Variants in RGS6 observed in about 807,000 individuals in gnomAD.
RGS6 encodes regulator of G-protein signaling 6.
In RGS6, 30 loss-of-function variants were observed where a neutral mutation model predicts 78.5. The ratio of observed to expected loss-of-function variants is 0.38; its 90% CI spans 0.29 to 0.52. RGS6 has a LOEUF of 0.52. Ranked by LOEUF, RGS6 falls within the 20% of genes least tolerant of loss-of-function variation. The pLI, the probability that RGS6 is intolerant of heterozygous loss-of-function variation, is 0.85. For missense variants in RGS6, 495 were observed against 609.7 expected, an observed-to-expected ratio of 0.81 and a Z score of 1.98; for synonymous variants, 206 against 206.0, an observed-to-expected ratio of 1.00 and a Z score of 0.00.
At chr14:72,070,989 ATCTCC>A (rs888239047) in intron 2 of RGS6, among the ~76,000 whole-genome samples, 3 of 151,822 alleles carry the variant, frequency 2.0e-5, no homozygotes, top group Non-Finnish European at 4.4e-5. Context: ...TATTTTATTC[ATCTCC>A]TCTCATGGTT....
rs2095690294 is a variant in RGS6 at position 72,458,466 on chromosome 14, A to G, written c.342+89A>G. On this transcript the variant is annotated intron_variant, in intron 5 of 17. Coordinates refer to ENST00000553525, the MANE Select transcript of RGS6 (RefSeq NM_001204424.2). Reference sequence around the variant, plus strand: ...AGAACTACAAAGAAAACCTAGGGATATCTGAGGGAGTAGCCCTCACTCCTC... The same window carrying G: ...AGAACTACAAAGAAAACCTAGGGATGTCTGAGGGAGTAGCCCTCACTCCTC... 3 of 1,012,396 alleles carry G rather than the reference A, an allele frequency of 3.0e-6. No homozygotes were observed. In the African/African-American group the frequency reaches 4.8e-5, roughly 16 times the overall value. The allele number at this position is 1,012,396 out of a possible 1,614,324, so 62.7% of individuals were successfully genotyped here. A position where few individuals can be genotyped will look rare whatever the true frequency, so the allele number is the denominator to read the frequency against.
At chr14:72,436,571 C>T (rs3784047) in intron 3 of RGS6, among the ~76,000 whole-genome samples, 49,477 of 152,006 alleles carry the variant, frequency 0.33, 8,750 homozygotes, top group East Asian at 0.64. Context: ...TCTTACTCCC[C>T]GGAGAATCAG....
intron 2 of RGS6, among the ~76,000 whole-genome samples, chr14:72,018,704 C>T (rs2087650190): frequency 6.6e-6 from 1 of 152,204 alleles, no homozygotes; most frequent in African/African-American, 2.4e-5. Context: ...AGCCCACAGA[C>T]TTTGCCTGTT....
intron 2 of RGS6, among the ~76,000 whole-genome samples, chr14:72,181,570 C>T (rs910294711): frequency 1.1e-4 from 16 of 152,316 alleles, no homozygotes; most frequent in African/African-American, 3.6e-4. Flanking sequence ...TGTGGCTTAA[C>T]AGGACTAAAC....
rs58303649 is a variant in RGS6, at chr14:72,323,800, CAAAAAAAAAAAAAAAAAAAAAAAAAAA to C, written c.85-28280_85-28254del. 8.9e-4 allele frequency among the ~76,000 whole-genome samples: 15 copies of C among 16,822 alleles called. No individual in the cohort carries two copies. In the East Asian group the frequency reaches 0.016, roughly 17 times the overall value. The allele number at this position is 16,822 out of a possible 152,430, so 11.0% of individuals were successfully genotyped here. ...TGGGTGACAGAGTGAGACTCCATCT[CAAAAAAAAAAAAAAAAAAAAAAAAAAA>C]AAAAAAAAAAAAAACTATTGTAAAA... is the stretch of plus-strand genomic sequence containing the variant. On this transcript the variant is annotated intron_variant, in intron 2 of 17. Transcript: ENST00000553525.
At chr14:72,317,806 C>T (rs2152495946) in intron 2 of RGS6, among the ~76,000 whole-genome samples, 1 of 152,018 alleles carries the variant, frequency 6.6e-6, no homozygotes, top group East Asian at 1.9e-4. Flanking sequence ...TCTAGAGGGA[C>T]AGAACTAATA....
At chr14:72,060,907 A>G (rs753472175) in intron 2 of RGS6, among the ~76,000 whole-genome samples, 3 of 152,166 alleles carry the variant, frequency 2.0e-5, no homozygotes, top group Admixed American at 1.3e-4. Context: ...GTTGCCATCT[A>G]TGTGTTCAAA....
intron 2 of RGS6, among the ~76,000 whole-genome samples, chr14:72,007,077 A>C (rs2084713262): frequency 6.6e-6 from 1 of 152,222 alleles, no homozygotes; most frequent in African/African-American, 2.4e-5. Context: ...GTAATGTAGA[A>C]AGTAGAAAAT....
At chr14:72,621,866 G>A in the RGS6 span, among the ~76,000 whole-genome samples, 3 of 152,196 alleles carry the variant, frequency 2.0e-5, no homozygotes, top group Non-Finnish European at 4.4e-5. Flanking sequence ...AGATGATACA[G>A]CCACCCAATG....
intron 3 of RGS6, among the ~76,000 whole-genome samples, chr14:72,380,374 G>T (rs2085751597): frequency 6.6e-6 from 1 of 151,664 alleles, no homozygotes; most frequent in Non-Finnish European, 1.5e-5. Flanking sequence ...AGAATGAGAA[G>T]ACATCTTACA....
chr14:71,929,753 CTTCAT>C (rs1006811802), upstream of RGS6, among the ~76,000 whole-genome samples: 19 of 152,212 alleles, frequency 1.2e-4, no homozygotes, highest in African/African-American at 4.3e-4. Flanking sequence ...ATCTTTTCTT[CTTCAT>C]TTATTAGTCG....
chr14:72,510,072 A>C lies in RGS6; in HGVS notation c.966-82A>C. The C allele has an allele frequency of 2.7e-6, 4 of 1,457,288 alleles. No individual in the cohort carries two copies. In the Middle Eastern group the frequency reaches 5.5e-4, roughly 199 times the overall value. The allele number at this position is 1,457,288 out of a possible 1,614,324, so 90.3% of individuals were successfully genotyped here. ...TCCCTTTGGTGAGTGACTGCAAAACAGACTTGAGTCACTGAAGAGAATATG... is the reference window on the plus strand; with the variant it reads ...TCCCTTTGGTGAGTGACTGCAAAACCGACTTGAGTCACTGAAGAGAATATG... On this transcript the variant is annotated intron_variant, in intron 13 of 17. Transcript: ENST00000553525.
chr14:71,873,047 GA>G, the RGS6 span, among the ~76,000 whole-genome samples: 1 of 152,146 alleles, frequency 6.6e-6, no homozygotes, highest in African/African-American at 2.4e-5. Flanking sequence ...ATCATTGATG[GA>G]CATTTGGGTT....
intron 1 of RGS6, among the ~76,000 whole-genome samples, chr14:71,951,696 A>C (rs2092334223): frequency 6.6e-6 from 1 of 152,170 alleles, no homozygotes; most frequent in Non-Finnish European, 1.5e-5. Context: ...GGAGTAAATT[A>C]ATGTTTTTAC....
At chr14:71,948,465 C>A (rs1182923243) in intron 1 of RGS6, among the ~76,000 whole-genome samples, 1 of 152,168 alleles carries the variant, frequency 6.6e-6, no homozygotes, top group Admixed American at 6.5e-5. Context: ...CCTTGAGAAC[C>A]CAATATGCTG....
chr14:72,533,916 GAC>G (rs1396733585), intron 15 of RGS6, among the ~76,000 whole-genome samples: 1 of 152,188 alleles, frequency 6.6e-6, no homozygotes, highest in Non-Finnish European at 1.5e-5. Context: ...TTGTTGAGAT[GAC>G]ACAAAGAATT....
chr14:72,014,370 A>G (rs949411895), intron 2 of RGS6, among the ~76,000 whole-genome samples: 7 of 152,206 alleles, frequency 4.6e-5, no homozygotes, highest in Admixed American at 1.3e-4. Flanking sequence ...TATTGCCCCA[A>G]ACATTTCCGG....
chr14:72,175,071 G>A (rs1414962256), intron 2 of RGS6, among the ~76,000 whole-genome samples: 2 of 152,168 alleles, frequency 1.3e-5, no homozygotes, highest in Non-Finnish European at 1.5e-5. Flanking sequence ...GGACTGTGCC[G>A]AGTGTCATGC....
chr14:71,980,089 C>G (rs1230120995), intron 2 of RGS6, among the ~76,000 whole-genome samples: 1 of 134,138 alleles, frequency 7.5e-6, no homozygotes, highest in Non-Finnish European at 1.6e-5. Context: ...GCAACCCCTG[C>G]CTTTTTTTGT....
Sources: allele counts gnomAD v4.1 joint callset (sites outside exome capture counted in the v4.1 genomes callset), GRCh38; gene constraint gnomAD v4.1.1; transcripts MANE v1.5; gene names NCBI Gene and HGNC (gene_info 2026-07-23, HGNC 2026-07-21).